Variants in CFAP47 observed in about 807,000 individuals in gnomAD.
CFAP47 encodes the protein cilia- and flagella-associated protein 47.
A neutral mutation model predicts 148.1 loss-of-function variants in CFAP47; 29 were observed. That is an observed-to-expected ratio of 0.20 (90% CI 0.15 to 0.27). CFAP47 has a LOEUF of 0.27. Ranked by LOEUF, CFAP47 falls within the 10% of genes least tolerant of loss-of-function variation. The pLI is 1.00. For missense variants in CFAP47, 1,872 were observed against 1,697.5 expected, an observed-to-expected ratio of 1.10 and a Z score of -1.81; for synonymous variants, 664 against 577.3, an observed-to-expected ratio of 1.15 and a Z score of -2.15.
At chrX:35,942,791 T>G in intron 3 of CFAP47, among the ~76,000 whole-genome samples, 1 of 111,906 alleles carries the variant, frequency 8.9e-6, no homozygotes, top group East Asian at 2.8e-4. Context: ...TAATATAATT[T>G]TACTCAATAA....
chrX:36,183,683 G>A (rs1429658096), intron 40 of CFAP47, among the ~76,000 whole-genome samples: 1 of 111,646 alleles, frequency 9.0e-6, no homozygotes, highest in Non-Finnish European at 1.9e-5. Flanking sequence ...AACCCATTTG[G>A]AACCACATGA....
chrX:35,963,352 A>G (rs1054247223), intron 8 of CFAP47, among the ~76,000 whole-genome samples: 2 of 111,376 alleles, frequency 1.8e-5, no homozygotes, highest in Non-Finnish European at 3.8e-5. Context: ...AATTACATCA[A>G]AATTACATAT....
chrX:36,076,886 C>A (rs937671643), intron 29 of CFAP47, among the ~76,000 whole-genome samples: 6 of 111,606 alleles, frequency 5.4e-5, no homozygotes, highest in African/African-American at 2.0e-4. Context: ...ATATTTAAAT[C>A]TTTAATCCAT....
chrX:35,970,067 C>T (rs1244017905), intron 10 of CFAP47, among the ~76,000 whole-genome samples: 2 of 91,961 alleles, frequency 2.2e-5, no homozygotes, highest in Admixed American at 1.2e-4. Context: ...CCCCCCTCCC[C>T]CCATACTTAC....
chrX:36,347,923 G>A (rs1941712094), intron 57 of CFAP47, among the ~76,000 whole-genome samples: 1 of 111,621 alleles, frequency 9.0e-6, no homozygotes, highest in Admixed American at 9.6e-5. Context: ...AGAACTTAAA[G>A]TATAATAATA....
In CFAP47 at chrX:36,006,978, A is replaced by G. The variant is rs73629585; in HGVS notation, c.3417+5271A>G. ...TTGTACAATGCAGAGCATTTTCTTCATGACAGAGTTTCACTGGACAGCACT... is the reference window on the plus strand; with the variant it reads ...TTGTACAATGCAGAGCATTTTCTTCGTGACAGAGTTTCACTGGACAGCACT... On this transcript the variant is annotated intron_variant, in intron 21 of 63. Transcript: ENST00000378653. Among the ~76,000 whole-genome samples, 791 of 111,928 alleles carry G rather than the reference A, an allele frequency of 7.1e-3. 10 individuals are homozygous for G. The highest frequency in any genetic ancestry group is 0.024 in the African/African-American group (733 of 30,853).
intron 25 of CFAP47, among the ~76,000 whole-genome samples, chrX:36,046,199 A>T: frequency 9.0e-6 from 1 of 110,867 alleles, no homozygotes; most frequent in Non-Finnish European, 1.9e-5. Flanking sequence ...ATATATAAGT[A>T]AACAAAGTAA....
At chrX:36,288,999 C>CTT (rs34230885) in intron 51 of CFAP47, among the ~76,000 whole-genome samples, 2,668 of 66,437 alleles carry the variant, frequency 0.04, 140 homozygotes, top group African/African-American at 0.12. Flanking sequence ...TTCTTTCATC[C>CTT]TTTTTTTTTT....
At chrX:36,098,735 A>C in intron 30 of CFAP47, 58 bp from the exon 31 acceptor site, 1 of 559,570 alleles carries the variant, frequency 1.8e-6, no homozygotes, top group Non-Finnish European at 2.8e-6. Flanking sequence ...GTCAATGCAA[A>C]TCATATATAG....
rs985355473 is a variant in CFAP47, at chrX:36,385,195, C to T, written c.*189C>T. The T allele has an allele frequency of 1.3e-5, 5 of 378,108 alleles. No homozygotes were observed. The highest frequency in any genetic ancestry group is 1.8e-5 in the Non-Finnish European group (4 of 218,411). 31.2% of individuals were successfully genotyped at this position (378,108 alleles called of 1,213,427 possible). On this transcript the variant is annotated 3_prime_UTR_variant, in exon 64 of 64. Transcript: ENST00000378653. ...GTGAGTTATGAATGTTTTTTGGTTG[C>T]GAACATTGGAATTGGTTCACTTTTA... is the stretch of plus-strand genomic sequence containing the variant.
At chrX:36,156,572 T>C (rs970141164) in intron 37 of CFAP47, among the ~76,000 whole-genome samples, 9 of 110,932 alleles carry the variant, frequency 8.1e-5, no homozygotes, top group African/African-American at 2.9e-4. Context: ...ATTCTCCATC[T>C]ATTCCAAAGG....
chrX:36,286,950 C>G (rs1556004688), intron 51 of CFAP47, among the ~76,000 whole-genome samples: 1 of 110,823 alleles, frequency 9.0e-6, no homozygotes, highest in Admixed American at 9.6e-5. Context: ...TCTGCAAGAG[C>G]TATTAGCCCT....
intron 46 of CFAP47, among the ~76,000 whole-genome samples, chrX:36,235,233 G>A (rs1940440384): frequency 8.9e-6 from 1 of 112,081 alleles, no homozygotes; most frequent in Admixed American, 9.4e-5. Context: ...GGAGCATACA[G>A]AGGCAGGCAG....
At chrX:36,263,672 C>A (rs1471854730) in intron 49 of CFAP47, among the ~76,000 whole-genome samples, 2 of 111,730 alleles carry the variant, frequency 1.8e-5, no homozygotes, top group Non-Finnish European at 3.8e-5. Flanking sequence ...TGGGACTCAC[C>A]CTTCAGGGCA....
chrX:35,974,411 AACC>A (rs1269322937), intron 13 of CFAP47, among the ~76,000 whole-genome samples: 2 of 111,658 alleles, frequency 1.8e-5, no homozygotes, highest in Admixed American at 9.6e-5. Context: ...ATTTCATTCT[AACC>A]ACAGTTAAGG....
intron 19 of CFAP47, 125 bp from the exon 20 acceptor site, chrX:36,000,158 A>G (rs1936897184): frequency 4.0e-6 from 1 of 251,705 alleles, no homozygotes; most frequent in African/African-American, 2.9e-5. Context: ...GGAAAATGTG[A>G]CAAATTTTTA....
intron 37 of CFAP47, among the ~76,000 whole-genome samples, chrX:36,158,907 T>C (rs10522035): frequency 0.036 from 4,042 of 111,755 alleles, 182 homozygotes; most frequent in African/African-American, 0.12. Context: ...CATTATACTA[T>C]GTCTTAGACT....
intron 45 of CFAP47, among the ~76,000 whole-genome samples, chrX:36,221,420 T>C (rs1274865629): frequency 2.7e-5 from 3 of 111,086 alleles, no homozygotes; most frequent in Non-Finnish European, 5.7e-5. Flanking sequence ...AGTAGAGGCA[T>C]AAATGAAAAT....
chrX:35,951,311 C>T lies in CFAP47; in HGVS notation c.837C>T (p.Pro279=). ...HARVYNNSPE[P]INWVAIIQDD... is the part of the protein sequence containing the mutation. ...GTGTATACAATAATAGCCCAGAGCC[C>T]ATAAATTGGGTGGCCATCATACAAG... The change falls in exon 5 of 64, where the codon CCC becomes CCT. Residue 279 remains proline (P), a synonymous_variant. Coordinates refer to ENST00000378653, the MANE Select transcript of CFAP47 (RefSeq NM_001304548.2). 1 of 1,209,574 alleles carries T rather than the reference C, an allele frequency of 8.3e-7. No homozygotes were observed. The highest frequency in any genetic ancestry group is 1.1e-6 in the Non-Finnish European group (1 of 894,120).
Sources: gnomAD v4.1 joint callset for allele counts (sites outside exome capture counted in the v4.1 genomes callset) on GRCh38, gnomAD v4.1.1 for gene constraint, MANE v1.5 for transcripts, NCBI Gene and HGNC (gene_info 2026-07-23, HGNC 2026-07-21) for gene names.